SORCS2: variants seen among roughly 807,000 people sequenced by gnomAD.
The protein encoded by SORCS2 is sortilin related VPS10 domain containing receptor 2, also known as VPS10 domain-containing receptor SorCS2.
A neutral mutation model predicts 141.6 loss-of-function variants in SORCS2; 100 were observed. The observed-to-expected ratio is 0.71, with a 90% CI of 0.60 to 0.83. SORCS2 has a LOEUF of 0.83. SORCS2 is among the 40% of genes least tolerant of loss of function. SORCS2 has a pLI of 0.00. For synonymous variants in SORCS2, 789 were observed against 676.9 expected (o/e 1.17, Z -2.57); for missense variants, 1,646 against 1,560.2 (o/e 1.05, Z -0.93).
intron 3 of SORCS2, among the ~76,000 whole-genome samples, chr4:7,597,420 G>A (rs1717347962): frequency 6.7e-6 from 1 of 148,210 alleles, no homozygotes; most frequent in Non-Finnish European, 1.5e-5. Flanking sequence ...CAATAGGAGA[G>A]GGCTATTGCA....
intron 1 of SORCS2, among the ~76,000 whole-genome samples, chr4:7,211,911 G>A (rs187481450): frequency 4.6e-5 from 7 of 152,270 alleles, no homozygotes; most frequent in African/African-American, 1.4e-4. Context: ...CCATAGAAGT[G>A]TTTTTTGTAG....
At chr4:7,626,115 C>G (rs1719500146) in intron 3 of SORCS2, among the ~76,000 whole-genome samples, 1 of 151,924 alleles carries the variant, frequency 6.6e-6, no homozygotes, top group Admixed American at 6.6e-5. Context: ...CCACTGCACT[C>G]CAGCCTGGGT....
chr4:7,550,277 G>T (rs546254634), intron 3 of SORCS2, among the ~76,000 whole-genome samples: 29 of 151,896 alleles, frequency 1.9e-4, no homozygotes, highest in South Asian at 4.2e-4. Flanking sequence ...AAAGATGGGG[G>T]TGCCCAGCAA....
intron 1 of SORCS2, among the ~76,000 whole-genome samples, chr4:7,391,047 G>C (rs1025917265): frequency 1.3e-5 from 2 of 152,150 alleles, no homozygotes; most frequent in African/African-American, 4.8e-5. Context: ...AAAGACATGG[G>C]GAGACCCTCC....
At chr4:7,430,382 AC>A (rs1303814941) in intron 2 of SORCS2, 1 of 152,208 alleles carries the variant, frequency 6.6e-6, no homozygotes, top group African/African-American at 2.4e-5. Context: ...AAACAAACAA[AC>A]AAACAAAACA....
chr4:7,645,867 G>T (rs1421438430), intron 4 of SORCS2, among the ~76,000 whole-genome samples: 1 of 152,214 alleles, frequency 6.6e-6, no homozygotes, highest in East Asian at 1.9e-4. Context: ...GCTCCAGGGT[G>T]TATGGTACAC....
chr4:7,740,249 C>T lies in SORCS2; in HGVS notation c.3465C>T (p.Ser1155=), dbSNP rs1309235085. ...GCATCAACTCCCGAGAGATGCACAG[C>T]TACCTGGTGAGCTGATGCCACCCCA... is the stretch of plus-strand genomic sequence containing the variant. ...VLSINSREMH[S]YLVS is the part of the protein sequence containing the mutation. Residue 1155 remains serine (S), a synonymous_variant, in exon 27 of 27, where the codon AGC becomes AGT. Transcript: ENST00000507866. 6.2e-7 allele frequency: 1 copy of T among 1,609,958 alleles called. No homozygotes were observed. Among genetic ancestry groups the T allele is most frequent in the Non-Finnish European group, 8.5e-7 (1 of 1,179,516 alleles).
At chr4:7,275,503 G>A (rs138645875) in intron 1 of SORCS2, among the ~76,000 whole-genome samples, 216 of 152,258 alleles carry the variant, frequency 1.4e-3, no homozygotes, top group African/African-American at 4.8e-3. Context: ...GTAAAGGGGC[G>A]ACTTTGTAGA....
At chr4:7,578,187 T>C (rs1675035873) in intron 3 of SORCS2, among the ~76,000 whole-genome samples, 2 of 152,232 alleles carry the variant, frequency 1.3e-5, no homozygotes, top group Admixed American at 1.3e-4. Flanking sequence ...GTTTGGTCTC[T>C]TTGCGAACGA....
At chr4:7,235,057 C>T (rs1453639636) in intron 1 of SORCS2, among the ~76,000 whole-genome samples, 4 of 152,250 alleles carry the variant, frequency 2.6e-5, no homozygotes, top group Admixed American at 6.5e-5. Context: ...TGGAGCTGGG[C>T]TCTGCGTTGC....
intron 1 of SORCS2, among the ~76,000 whole-genome samples, chr4:7,289,457 A>C (rs1716466428): frequency 1.3e-5 from 2 of 152,136 alleles, no homozygotes; most frequent in African/African-American, 4.8e-5. Context: ...CCTAGCACTG[A>C]GTGGGTGCTC....
At chr4:7,394,304 C>T (rs941435566) in intron 1 of SORCS2, among the ~76,000 whole-genome samples, 2 of 151,956 alleles carry the variant, frequency 1.3e-5, no homozygotes, top group African/African-American at 4.8e-5. Context: ...GTGCCCCGCA[C>T]TGGGGAGATA....
At chr4:7,227,281 C>A (rs1729047018) in intron 1 of SORCS2, among the ~76,000 whole-genome samples, 1 of 152,224 alleles carries the variant, frequency 6.6e-6, no homozygotes, top group African/African-American at 2.4e-5. Flanking sequence ...TGAGGCCTGG[C>A]TGAGGTCTGT....
chr4:7,634,332 C>A (rs899244366), intron 3 of SORCS2, among the ~76,000 whole-genome samples: 9 of 151,272 alleles, frequency 5.9e-5, no homozygotes, highest in Admixed American at 5.9e-4. Flanking sequence ...GAGATCGTGC[C>A]GCTGCACTCC....
At chr4:7,601,509 C>A (rs1717663919) in intron 3 of SORCS2, among the ~76,000 whole-genome samples, 1 of 150,304 alleles carries the variant, frequency 6.7e-6, no homozygotes, top group South Asian at 2.1e-4. Flanking sequence ...GTCCCAGCTA[C>A]TCAGGAGGCT....
In SORCS2 at chr4:7,661,598, C is replaced by T. The variant is rs767059107; in HGVS notation, c.952+34C>T. ...GGCAGTGCACAGGCACCGGGTATCC[C>T]TGAGTCACCTCGCACCCGACACAGC... On this transcript the variant is annotated intron_variant, in intron 6 of 26. Coordinates refer to ENST00000507866, the MANE Select transcript of SORCS2 (RefSeq NM_020777.3). The T allele has an allele frequency of 9.1e-6, 14 of 1,546,778 alleles. No individual in the cohort carries two copies. In the South Asian group the frequency reaches 1.5e-4, roughly 17 times the overall value.
At chr4:7,269,764 A>C (rs1042815692) in intron 1 of SORCS2, among the ~76,000 whole-genome samples, 3 of 152,204 alleles carry the variant, frequency 2.0e-5, no homozygotes, top group Admixed American at 2.0e-4. Context: ...AGTGATACTG[A>C]TTTGGGACCT....
chr4:7,374,613 C>A (rs1722512132), intron 1 of SORCS2, among the ~76,000 whole-genome samples: 2 of 152,180 alleles, frequency 1.3e-5, no homozygotes, highest in African/African-American at 4.8e-5. Context: ...AGGCCTTGCC[C>A]CCATCCTTCC....
chr4:7,206,648 G>C (rs1727758048), intron 1 of SORCS2, among the ~76,000 whole-genome samples: 1 of 152,140 alleles, frequency 6.6e-6, no homozygotes, highest in Admixed American at 6.5e-5. Flanking sequence ...AAGCAGTCTA[G>C]CAGCTGCTGA....
Sources: gnomAD v4.1 joint callset for allele counts (sites outside exome capture counted in the v4.1 genomes callset) on GRCh38, gnomAD v4.1.1 for gene constraint, MANE v1.5 for transcripts, NCBI Gene and HGNC (gene_info 2026-07-23, HGNC 2026-07-21) for gene names.